The following RIMBP2 variants were observed in gnomAD, a reference collection of about 807,000 sequenced individuals.
RIMBP2 encodes RIMS-binding protein 2.
Under a neutral mutation model 118.6 loss-of-function variants are expected in RIMBP2, and 48 were observed. That is an observed-to-expected ratio of 0.40 (90% CI 0.32 to 0.51). The LOEUF (loss-of-function observed/expected upper bound fraction) is 0.51. Among genes scored for constraint, RIMBP2 ranks in the 20% least tolerant of loss-of-function variants. The pLI is 0.41. For missense variants in RIMBP2, 1,551 were observed against 1,768.3 expected, an observed-to-expected ratio of 0.88 and a Z score of 2.20; for synonymous variants, 762 against 742.9, an observed-to-expected ratio of 1.03 and a Z score of -0.42.
chr12:130,650,129 CAG>C (rs1281187606), intron 1 of RIMBP2, among the ~76,000 whole-genome samples: 2 of 152,052 alleles, frequency 1.3e-5, no homozygotes, highest in Non-Finnish European at 2.9e-5. Context: ...GCAGTCTACA[CAG>C]AAAATTGCGG....
Position 130,646,195 on chromosome 12 carries a change from T to TCCCTCACCACC in RIMBP2, c.-351-17740_-351-17739insGGTGGTGAGGG, listed in dbSNP as rs2062920138. ...CCTGCCTCTCCACCTCCCTCACCAC[T>TCCCTCACCACC]TCCCTCTCCACCTCCCTCTCCACCT... On this transcript the variant is annotated intron_variant, in intron 1 of 22. Transcript: ENST00000690449. Among the ~76,000 whole-genome samples, 2 of 4,348 alleles carry TCCCTCACCACC rather than the reference T, an allele frequency of 4.6e-4. 1 individual carries two copies. The highest frequency in any genetic ancestry group is 1.5e-3 in the African/African-American group (2 of 1,306). The allele number at this position is 4,348 out of a possible 152,430, so 2.9% of individuals were successfully genotyped here. A position where few individuals can be genotyped will look rare whatever the true frequency, so the allele number is the denominator to read the frequency against.
intron 4 of RIMBP2, among the ~76,000 whole-genome samples, chr12:130,497,156 G>GGGCCCTCCCTGATGT (rs1317071316): frequency 8.5e-5 from 13 of 152,134 alleles, no homozygotes; most frequent in African/African-American, 3.1e-4. Flanking sequence ...CACTGAACGA[G>GGGCCCTCCCTGATGT]GGCCCTCCCT....
In RIMBP2 at chr12:130,456,797, A is replaced by G. The variant is rs1002934423; in HGVS notation, c.154-97T>C. ...ATGTGTTGTACGTGTGCACATGTGC[A>G]CTGTGTGCACGTGTGTACACACGTG... On this transcript the variant is annotated intron_variant, in intron 6 of 22. Transcript: ENST00000690449. The G allele has an allele frequency of 5.1e-4, 439 of 860,612 alleles. 3 individuals are homozygous for G. Among genetic ancestry groups the G allele is most frequent in the South Asian group, 1.2e-3 (71 of 60,172 alleles). The allele number at this position is 860,612 out of a possible 1,614,324, so 53.3% of individuals were successfully genotyped here. A position where few individuals can be genotyped will look rare whatever the true frequency, so the allele number is the denominator to read the frequency against.
chr12:130,709,436 T>C (rs1446470016), intron 1 of RIMBP2, among the ~76,000 whole-genome samples: 3 of 152,208 alleles, frequency 2.0e-5, no homozygotes, highest in Admixed American at 6.5e-5. Flanking sequence ...AGCAGAGCTC[T>C]GGCACCCGCA....
intron 4 of RIMBP2, among the ~76,000 whole-genome samples, chr12:130,493,252 CCATTTT>C (rs1247301208): frequency 6.6e-6 from 1 of 152,202 alleles, no homozygotes; most frequent in Non-Finnish European, 1.5e-5. Flanking sequence ...TAGTTCCCTC[CCATTTT>C]CATTATTTGA....
chr12:130,619,974 G>A (rs190401493), intron 2 of RIMBP2, among the ~76,000 whole-genome samples: 48 of 152,334 alleles, frequency 3.2e-4, no homozygotes, highest in Non-Finnish European at 3.1e-4. Context: ...CCAACATGGA[G>A]CAGGTGTGCG....
intron 21 of RIMBP2, 67 bp downstream of exon 21, chr12:130,406,100 GCAAAA>G (rs2075147190): frequency 2.5e-5 from 25 of 1,017,210 alleles, no homozygotes; most frequent in South Asian, 1.9e-4. Context: ...GAACGGACTA[GCAAAA>G]CAAAACACAC....
intron 7 of RIMBP2, among the ~76,000 whole-genome samples, chr12:130,452,051 G>A (rs565637550): frequency 2.6e-5 from 4 of 152,206 alleles, no homozygotes; most frequent in African/African-American, 4.8e-5. Context: ...GGAGCATTGA[G>A]CAACGTGACT....
chr12:130,574,248 C>A (rs150638651), intron 2 of RIMBP2, among the ~76,000 whole-genome samples: 2 of 151,984 alleles, frequency 1.3e-5, no homozygotes, highest in Non-Finnish European at 2.9e-5. Flanking sequence ...TTTTGAGAAA[C>A]AGCAGCAGCT....
At chr12:130,527,367 A>G (rs1220119489) in intron 2 of RIMBP2, among the ~76,000 whole-genome samples, 1 of 152,214 alleles carries the variant, frequency 6.6e-6, no homozygotes, top group Non-Finnish European at 1.5e-5. Flanking sequence ...CAAACTTCTC[A>G]GTTCCCTTCT....
chr12:130,518,079 T>C (rs1038015782), intron 2 of RIMBP2, among the ~76,000 whole-genome samples, 162 bp from the exon 3 acceptor site: 1 of 152,196 alleles, frequency 6.6e-6, no homozygotes, highest in Non-Finnish European at 1.5e-5. Flanking sequence ...CTCTCTTTTT[T>C]CCAAACCATA....
At position 130,456,495 on chromosome 12, in the gene RIMBP2, C is replaced by A; in HGVS notation, c.358+1G>T. On this transcript the variant is annotated splice_donor_variant, in intron 7 of 22. Coordinates refer to ENST00000690449, the MANE Select transcript of RIMBP2 (RefSeq NM_001393629.1). LOFTEE classifies it high-confidence loss of function. ...CCAAGGCGGAAGGTCCAGGCGCTTA[C>A]CTTTGCCGAGGGAGGTGGCTAGGCC... 1 of 1,581,064 alleles carries A rather than the reference C, an allele frequency of 6.3e-7. No individual in the cohort carries two copies. Among genetic ancestry groups the A allele is most frequent in the Non-Finnish European group, 8.6e-7 (1 of 1,158,308 alleles).
intron 1 of RIMBP2, among the ~76,000 whole-genome samples, chr12:130,639,217 C>T (rs2062492263): frequency 1.3e-5 from 2 of 151,514 alleles, no homozygotes; most frequent in African/African-American, 4.9e-5. Flanking sequence ...GTGAAACCCC[C>T]ATCTCTACTA....
rs149794058 is a variant in RIMBP2 at position 130,598,273 on chromosome 12, C to T, written c.-217+30049G>A. ...AGAGAGATATCTTGCGTTTGTGGAT[C>T]GGAAGAATCTATGTTGTTAAGAGGT... On this transcript the variant is annotated intron_variant, in intron 2 of 22. Transcript: ENST00000690449. Among the ~76,000 whole-genome samples, 717 of 152,192 alleles carry T rather than the reference C, an allele frequency of 4.7e-3. 5 individuals are homozygous for T. The highest frequency in any genetic ancestry group is 6.7e-3 in the Admixed American group (102 of 15,290).
At chr12:130,496,195 G>A (rs923437187) in intron 4 of RIMBP2, among the ~76,000 whole-genome samples, 5 of 152,088 alleles carry the variant, frequency 3.3e-5, no homozygotes, top group Admixed American at 6.5e-5. Context: ...TCATGGGGGC[G>A]GTGTCCCCCA....
intron 1 of RIMBP2, among the ~76,000 whole-genome samples, chr12:130,649,377 C>T (rs767462508): frequency 1.7e-4 from 26 of 152,258 alleles, no homozygotes; most frequent in Non-Finnish European, 3.2e-4. Flanking sequence ...CGCCCAACCC[C>T]TGGGGCCTCA....
chr12:130,651,313 C>A (rs2063222642), intron 1 of RIMBP2: 3 of 152,224 alleles, frequency 2.0e-5, no homozygotes, highest in Admixed American at 2.0e-4. Flanking sequence ...TCCAAAGCAT[C>A]CATTGTTAGA....
chr12:130,563,625 G>A (rs1274362454), intron 2 of RIMBP2, among the ~76,000 whole-genome samples: 1 of 152,112 alleles, frequency 6.6e-6, no homozygotes, highest in Non-Finnish European at 1.5e-5. Context: ...ACTGCAGCAG[G>A]GCTTTATTTA....
At chr12:130,708,344 C>T (rs1234977754) in intron 1 of RIMBP2, among the ~76,000 whole-genome samples, 1 of 152,120 alleles carries the variant, frequency 6.6e-6, no homozygotes, top group Non-Finnish European at 1.5e-5. Context: ...CAACCCCTGA[C>T]TTGTACTTTA....
Sources: gnomAD v4.1 joint callset for allele counts (sites outside exome capture counted in the v4.1 genomes callset) on GRCh38, gnomAD v4.1.1 for gene constraint, MANE v1.5 for transcripts, NCBI Gene and HGNC (gene_info 2026-07-23, HGNC 2026-07-21) for gene names.